The following TENM3 variants were observed in gnomAD, a reference collection of about 807,000 sequenced individuals.
TENM3 encodes the protein teneurin transmembrane protein 3.
A neutral mutation model predicts 255.1 loss-of-function variants in TENM3; 63 were observed. The observed-to-expected ratio is 0.25, with a 90% CI of 0.20 to 0.30. TENM3 has a LOEUF of 0.30. TENM3 is among the 10% of genes least tolerant of loss of function. The pLI, the probability that TENM3 is intolerant of heterozygous loss-of-function variation, is 1.00. For missense variants in TENM3, 2,929 were observed against 3,461.1 expected, an observed-to-expected ratio of 0.85 and a Z score of 3.86; for synonymous variants, 1,306 against 1,322.3, an observed-to-expected ratio of 0.99 and a Z score of 0.27.
intron 1 of TENM3, among the ~76,000 whole-genome samples, chr4:182,163,950 G>T (rs1006263099): frequency 6.6e-6 from 1 of 152,100 alleles, no homozygotes; most frequent in African/African-American, 2.4e-5. Context: ...GATTCCCATG[G>T]CTTCAGTGTT....
At chr4:181,875,105 C>A in the TENM3 span, among the ~76,000 whole-genome samples, 1 of 152,226 alleles carries the variant, frequency 6.6e-6, no homozygotes, top group East Asian at 1.9e-4. Flanking sequence ...AGTCTCTGTT[C>A]GCATTTTGGT....
At chr4:181,491,250 G>T in the TENM3 span, among the ~76,000 whole-genome samples, 1 of 151,876 alleles carries the variant, frequency 6.6e-6, no homozygotes, top group Non-Finnish European at 1.5e-5. Flanking sequence ...AATTTTTCTT[G>T]GTTGGTTTTA....
At chr4:181,611,435 T>C in the TENM3 span, among the ~76,000 whole-genome samples, 5 of 152,218 alleles carry the variant, frequency 3.3e-5, no homozygotes, top group African/African-American at 1.2e-4. Context: ...ATTCCTCCTC[T>C]TCTGCGTTTT....
chr4:182,578,841 GTGT>G (rs1745202186), intron 3 of TENM3, among the ~76,000 whole-genome samples: 1 of 152,346 alleles, frequency 6.6e-6, no homozygotes, highest in East Asian at 1.9e-4. Context: ...TTCCAAACCA[GTGT>G]TGTTTGGAAA....
chr4:182,195,010 AAC>A (rs1004160332), intron 1 of TENM3, among the ~76,000 whole-genome samples: 15 of 146,692 alleles, frequency 1.0e-4, no homozygotes, highest in African/African-American at 3.9e-4. Context: ...ATAAGTGACC[AAC>A]ACAGTCTCTA....
Position 182,210,894 on chromosome 4 carries a change from G to A in TENM3, c.-76+66140G>A, listed in dbSNP as rs1754987725. Among the ~76,000 whole-genome samples, 6 of 152,248 alleles carry A rather than the reference G, an allele frequency of 3.9e-5. No individual in the cohort carries two copies. The South Asian group carries it at 1.2e-3, about 32-fold the overall frequency. ...GTATCACAGAAGATGACCCTACAAG[G>A]AAGGTCACTTGTTTAGCTCTGCATG... On this transcript the variant is annotated intron_variant, in intron 1 of 2. Coordinates refer to the TENM3 transcript ENST00000512480.
At chr4:181,888,588 A>ATATGTGTGTGTGTGTGTG in the TENM3 span, among the ~76,000 whole-genome samples, 1 of 16,040 alleles carries the variant, frequency 6.2e-5, no homozygotes, top group African/African-American at 2.8e-4. Flanking sequence ...ACATATATAT[A>ATATGTGTGTGTGTGTGTG]TGCGTGTGTG....
chr4:181,737,963 A>G, the TENM3 span, among the ~76,000 whole-genome samples: 1 of 151,770 alleles, frequency 6.6e-6, no homozygotes, highest in African/African-American at 2.4e-5. Flanking sequence ...ATTGTGCAAT[A>G]AACATTATAC....
chr4:181,558,565 A>G, the TENM3 span, among the ~76,000 whole-genome samples: 3 of 152,264 alleles, frequency 2.0e-5, no homozygotes, highest in Admixed American at 2.0e-4. Context: ...GTTTTCTGTC[A>G]GTCCAAATGG....
chr4:181,846,474 A>T, the TENM3 span, among the ~76,000 whole-genome samples: 1 of 152,142 alleles, frequency 6.6e-6, no homozygotes, highest in Non-Finnish European at 1.5e-5. Flanking sequence ...TGTTGACTCA[A>T]CTTCGAGATT....
At chr4:181,699,739 A>G in the TENM3 span, among the ~76,000 whole-genome samples, 7 of 152,186 alleles carry the variant, frequency 4.6e-5, no homozygotes, top group African/African-American at 1.7e-4. Context: ...ACAAATCTGT[A>G]CAGAAAGTAT....
the TENM3 span, among the ~76,000 whole-genome samples, chr4:181,514,525 T>A: frequency 6.6e-6 from 1 of 152,312 alleles, no homozygotes; most frequent in African/African-American, 2.4e-5. Flanking sequence ...GATTTTTCCA[T>A]TTATGGAGTT....
chr4:181,974,207 G>A, the TENM3 span, among the ~76,000 whole-genome samples: 7 of 152,326 alleles, frequency 4.6e-5, no homozygotes, highest in East Asian at 1.9e-4. Flanking sequence ...ACACAGCTGG[G>A]AGCTATGAGC....
At chr4:182,527,569 A>G (rs2151821708) in intron 3 of TENM3, among the ~76,000 whole-genome samples, 1 of 152,292 alleles carries the variant, frequency 6.6e-6, no homozygotes, top group African/African-American at 2.4e-5. Context: ...ATGTAATTAA[A>G]TGGATGATTA....
the TENM3 span, among the ~76,000 whole-genome samples, chr4:181,930,766 A>G: frequency 1.5e-3 from 226 of 152,362 alleles, no homozygotes; most frequent in African/African-American, 5.1e-3. Context: ...AAAATCTTCA[A>G]TGAAATACTG....
intron 3 of TENM3, among the ~76,000 whole-genome samples, chr4:182,525,470 C>A (rs1580830375): frequency 6.6e-6 from 1 of 152,324 alleles, no homozygotes; most frequent in Middle Eastern, 3.4e-3. Context: ...TTCAGCCTAT[C>A]TGACTTCAAA....
chr4:181,548,361 C>T, the TENM3 span, among the ~76,000 whole-genome samples: 14 of 152,098 alleles, frequency 9.2e-5, no homozygotes, highest in African/African-American at 1.9e-4. Flanking sequence ...CACATGCACA[C>T]GTATGTTTAT....
rs537847412 is a variant in TENM3, at chr4:182,513,500, GA to G, written c.512-87411del. ...GGCTACCTATTTAAAGATCCTGAAT[GA>G]AAAAAAAAAAAACCTTTGTGTTTCA... On this transcript the variant is annotated intron_variant, in intron 3 of 27. Transcript: ENST00000511685. 2.1e-3 allele frequency among the ~76,000 whole-genome samples: 275 copies of G among 133,476 alleles called. 2 individuals are homozygous for G. Among genetic ancestry groups the G allele is most frequent in the East Asian group, 5.6e-3 (26 of 4,668 alleles). The allele number at this position is 133,476 out of a possible 152,430, so 87.6% of individuals were successfully genotyped here.
the TENM3 span, among the ~76,000 whole-genome samples, chr4:181,605,574 G>GAGAGAGAAAGAA: frequency 4.6e-5 from 1 of 21,978 alleles, no homozygotes; most frequent in South Asian, 1.8e-3. Context: ...AAGAAAGAGA[G>GAGAGAGAAAGAA]AGAAAGAAAG....
Sources: allele counts gnomAD v4.1 joint callset (sites outside exome capture counted in the v4.1 genomes callset), GRCh38; gene constraint gnomAD v4.1.1; transcripts MANE v1.5; gene names NCBI Gene and HGNC (gene_info 2026-07-23, HGNC 2026-07-21).